Variants in NBEA observed in about 807,000 individuals in gnomAD.
NBEA encodes lysosomal-trafficking regulator 2.
A neutral mutation model predicts 343.4 loss-of-function variants in NBEA; 44 were observed. The observed-to-expected ratio is 0.13, with a 90% CI of 0.10 to 0.16. NBEA has a LOEUF of 0.16. Among genes scored for constraint, NBEA ranks in the 10% least tolerant of loss-of-function variants. The probability of loss-of-function intolerance (pLI) is 1.00; values close to 1 mark genes in which losing one functional copy is unlikely to be tolerated. For missense variants in NBEA, 2,555 were observed against 3,631.3 expected (o/e 0.70, Z 7.62); for synonymous variants, 1,175 against 1,238.7 (o/e 0.95, Z 1.08).
chr13:35,226,684 C>CTTTTTTTTTT (rs74262863), intron 33 of NBEA, among the ~76,000 whole-genome samples: 1 of 132,194 alleles, frequency 7.6e-6, no homozygotes, highest in Non-Finnish European at 1.6e-5. Context: ...TGTTCTACAT[C>CTTTTTTTTTT]TTTTTTTTTT....
intron 55 of NBEA, among the ~76,000 whole-genome samples, chr13:35,658,989 T>C (rs1462877867): frequency 2.0e-5 from 3 of 152,196 alleles, no homozygotes; most frequent in Non-Finnish European, 4.4e-5. Context: ...AAACTCACAA[T>C]GTGAAAGAGA....
intron 48 of NBEA, among the ~76,000 whole-genome samples, chr13:35,610,435 A>G (rs2082458721): frequency 6.6e-6 from 1 of 152,128 alleles, no homozygotes; most frequent in Non-Finnish European, 1.5e-5. Flanking sequence ...ATAAAGATAA[A>G]TTGGCATTCA....
rs143415652 is a variant in NBEA at position 35,598,057 on chromosome 13, C to G, written c.7296+4610C>G. 2.1e-3 allele frequency among the ~76,000 whole-genome samples: 316 copies of G among 152,276 alleles called. 4 individuals carry two copies. The highest frequency in any genetic ancestry group is 0.019 in the Admixed American group (283 of 15,292). Reference sequence around the variant, plus strand: ...ACAAGTCCCATCCCAGTATTTGTATCAGACTGAAAATCTGGTATCTTGTTG... The same window carrying G: ...ACAAGTCCCATCCCAGTATTTGTATGAGACTGAAAATCTGGTATCTTGTTG... On this transcript the variant is annotated intron_variant, in intron 47 of 58. Transcript: ENST00000379939.
At chr13:35,047,456 G>A (rs1171535334) in intron 4 of NBEA, among the ~76,000 whole-genome samples, 4 of 151,984 alleles carry the variant, frequency 2.6e-5, no homozygotes, top group Admixed American at 2.6e-4. Context: ...GAGAAACCAT[G>A]CTAGGTTGAA....
intron 48 of NBEA, among the ~76,000 whole-genome samples, chr13:35,614,423 C>T (rs2082649670): frequency 6.6e-6 from 1 of 152,128 alleles, no homozygotes; most frequent in Admixed American, 6.5e-5. Context: ...CAGTACAGTT[C>T]CCTTTAATAG....
At chr13:35,330,585 C>A (rs2038866244) in intron 36 of NBEA, among the ~76,000 whole-genome samples, 1 of 151,944 alleles carries the variant, frequency 6.6e-6, no homozygotes, top group South Asian at 2.1e-4. Flanking sequence ...TGTCAAGCTC[C>A]AGAATTATTA....
At chr13:35,076,976 A>G (rs2064149393) in intron 10 of NBEA, among the ~76,000 whole-genome samples, 1 of 152,096 alleles carries the variant, frequency 6.6e-6, no homozygotes, top group Non-Finnish European at 1.5e-5. Context: ...ACCACATGCC[A>G]TAATTCATCC....
intron 10 of NBEA, among the ~76,000 whole-genome samples, chr13:35,079,041 C>A (rs926825798): frequency 5.3e-5 from 8 of 151,908 alleles, no homozygotes; most frequent in African/African-American, 1.9e-4. Context: ...AAACAAAAAA[C>A]AAAACCTACT....
At chr13:35,550,846 T>C in intron 42 of NBEA, 84 bp from the exon 43 acceptor site, 1 of 788,046 alleles carries the variant, frequency 1.3e-6, no homozygotes, top group Non-Finnish European at 2.1e-6. Context: ...TAAATCATGA[T>C]AGGCACTTGA....
At chr13:35,609,834 G>A (rs561399298) in intron 48 of NBEA, among the ~76,000 whole-genome samples, 22 of 152,192 alleles carry the variant, frequency 1.4e-4, no homozygotes, top group South Asian at 1.2e-3. Flanking sequence ...GAAAGCCTGC[G>A]CAGAATGCTG....
intron 28 of NBEA, chr13:35,179,709 C>G (rs987233486): frequency 3.3e-6 from 3 of 900,906 alleles, no homozygotes; most frequent in South Asian, 5.1e-5. Flanking sequence ...CTTCTGATTG[C>G]CTGGTACTGA....
At chr13:35,132,221 G>C (rs1261654648) in intron 17 of NBEA, among the ~76,000 whole-genome samples, 1 of 152,066 alleles carries the variant, frequency 6.6e-6, no homozygotes, top group East Asian at 1.9e-4. Flanking sequence ...ATAGTGGCAC[G>C]ATCTCCGCTC....
Position 35,555,023 on chromosome 13 carries a change from A to G in NBEA, c.6843A>G (p.Lys2281=). The change falls in exon 44 of 59, where the codon AAA becomes AAG. Residue 2281 remains lysine, a synonymous_variant. Transcript: ENST00000379939. ...TGGCCACTCCTCGACAGCTTTATAA[A>G]TCTTCCAATATGACTCAGCGCTGGC... The part of the protein sequence containing the change: ...ISLATPRQLY[K]SSNMTQRWQR... 1.2e-6 allele frequency: 2 copies of G among 1,612,278 alleles called. No individual in the cohort carries two copies. Among genetic ancestry groups the G allele is most frequent in the Non-Finnish European group, 8.5e-7 (1 of 1,178,856 alleles).
At chr13:35,083,156 C>G (rs1402272424) in intron 10 of NBEA, among the ~76,000 whole-genome samples, 1 of 152,186 alleles carries the variant, frequency 6.6e-6, no homozygotes, top group Admixed American at 6.6e-5. Context: ...GTTTTCCCAG[C>G]ACCATTTATT....
intron 38 of NBEA, among the ~76,000 whole-genome samples, chr13:35,358,727 A>T (rs1474071941): frequency 6.6e-6 from 1 of 152,042 alleles, no homozygotes; most frequent in Admixed American, 6.6e-5. Context: ...CAAAAAAAAA[A>T]ATTATGGAAA....
intron 36 of NBEA, among the ~76,000 whole-genome samples, chr13:35,329,208 G>A (rs1203034185): frequency 6.6e-6 from 1 of 151,982 alleles, no homozygotes; most frequent in African/African-American, 2.4e-5. Flanking sequence ...TGGTGAGGAT[G>A]TGGAGCCACG....
intron 38 of NBEA, among the ~76,000 whole-genome samples, chr13:35,373,538 C>A (rs1347420401): frequency 7.0e-6 from 1 of 142,146 alleles, no homozygotes. Flanking sequence ...AACCCCATCT[C>A]TATAAAAAAT....
chr13:35,331,056 A>T (rs1373178678), intron 36 of NBEA, among the ~76,000 whole-genome samples: 1 of 152,082 alleles, frequency 6.6e-6, no homozygotes, highest in Non-Finnish European at 1.5e-5. Context: ...TTCCCACCAC[A>T]GTCTGATATG....
At chr13:35,114,176 A>G (rs2066380019) in intron 13 of NBEA, among the ~76,000 whole-genome samples, 1 of 152,060 alleles carries the variant, frequency 6.6e-6, no homozygotes, top group Non-Finnish European at 1.5e-5. Context: ...TAGTGGACAG[A>G]TCTAGGAAAT....
Sources: allele counts gnomAD v4.1 joint callset (sites outside exome capture counted in the v4.1 genomes callset), GRCh38; gene constraint gnomAD v4.1.1; transcripts MANE v1.5; gene names NCBI Gene and HGNC (gene_info 2026-07-23, HGNC 2026-07-21).